The following INTS1 variants were observed in gnomAD, a reference collection of about 807,000 sequenced individuals.
INTS1 encodes the protein integrator complex subunit 1.
INTS1 carries 137 observed loss-of-function variants against 241.6 expected under a neutral mutation model. The observed-to-expected ratio is 0.57, with a 90% CI of 0.49 to 0.65. INTS1 has a LOEUF of 0.65. INTS1 is among the 30% of genes least tolerant of loss of function. INTS1 has a pLI of 0.00. For synonymous variants in INTS1, 1,692 were observed against 1,337.8 expected (o/e 1.26, Z -5.78); for missense variants, 3,073 against 3,032.2 (o/e 1.01, Z -0.32).
At chr7:1,501,428 G>A (rs562550106) in intron 3 of INTS1, 1 of 152,276 alleles carries the variant, frequency 6.6e-6, no homozygotes, top group African/African-American at 2.4e-5. Context: ...ACAAGCTGGG[G>A]GACAAGTGGG....
Position 1,477,577 on chromosome 7 carries a change from C to T in INTS1, c.4911G>A (p.Gln1637=), listed in dbSNP as rs1205264308. The T allele has an allele frequency of 6.5e-7, 1 of 1,547,328 alleles. No individual in the cohort carries two copies. The highest frequency in any genetic ancestry group is 2.0e-5 in the Admixed American group (1 of 49,912). Reference sequence around the variant, plus strand: ...TCCTCCGGGAGAAGAGCAGCCTGAGCTGCAGGTCGGGGCAGCTGCTGACCA... The same window carrying T: ...TCCTCCGGGAGAAGAGCAGCCTGAGTTGCAGGTCGGGGCAGCTGCTGACCA... ...PEVVSSCPDL[Q]LRLLFSRRKG... is the part of the protein sequence containing the mutation. Residue 1637 remains glutamine, a synonymous_variant, in exon 35 of 48, where the codon CAG becomes CAA. Transcript: ENST00000404767.
intron 41 of INTS1, 92 bp downstream of exon 41, chr7:1,474,076 C>A: frequency 7.3e-7 from 1 of 1,368,654 alleles, no homozygotes; most frequent in Non-Finnish European, 9.7e-7. Context: ...CTGCAGAGGT[C>A]CTCCCAGTCC....
At chr7:1,494,022 G>A in intron 14 of INTS1, 111 bp from the exon 15 acceptor site, 1 of 1,314,210 alleles carries the variant, frequency 7.6e-7, no homozygotes, top group South Asian at 1.5e-5. Context: ...GTGGCAGAGG[G>A]CTGCTGCTGC....
rs554787830 is a variant in INTS1 at position 1,481,299 on chromosome 7, G to A, written c.3850+43C>T. On this transcript the variant is annotated intron_variant, in intron 28 of 47. Coordinates refer to ENST00000404767, the MANE Select transcript of INTS1 (RefSeq NM_001080453.3). The surrounding 1 kb of genome is among the most constrained non-coding windows in gnomAD (Gnocchi z 6.8). ...AAAAGCCTGGCCGGGCTGGGGCTCG[G>A]TCAGCGTGTGTGAACCCACTCCGCA... 1 of 1,610,070 alleles carries A rather than the reference G, an allele frequency of 6.2e-7. No homozygotes were observed. Among genetic ancestry groups the A allele is most frequent in the Non-Finnish European group, 8.5e-7 (1 of 1,178,440 alleles).
In INTS1 at chr7:1,493,610, A is replaced by G. The variant is rs1402827485; in HGVS notation, c.2068+144T>C. ...TCCCAACGGCAGATGTGGAGAAGGC[A>G]GGTCCCCGAGCCTCCCGGGGACCCA... is the stretch of plus-strand genomic sequence containing the variant. On this transcript the variant is annotated intron_variant, in intron 15 of 47. Transcript: ENST00000404767. This position sits in a 1 kb window ranked among gnomAD's most constrained non-coding sequence, Gnocchi z 5.3. 2.1e-6 allele frequency: 2 copies of G among 968,620 alleles called. No homozygotes were observed. The highest frequency in any genetic ancestry group is 2.9e-6 in the Non-Finnish European group (2 of 699,968). The allele number at this position is 968,620 out of a possible 1,614,324, so 60.0% of individuals were successfully genotyped here.
rs377527130 is a variant in INTS1, at chr7:1,497,576, G to T, written c.1426-262C>A. ...AGGAGGATTAATTAACGGAAGCTGG[G>T]GGTGCGGGACACCAGGCGGCAAAGC... On this transcript the variant is annotated intron_variant, in intron 10 of 47. Transcript: ENST00000404767. The surrounding 1 kb of genome is among the most constrained non-coding windows in gnomAD (Gnocchi z 5.3). Among the ~76,000 whole-genome samples, 163 of 152,282 alleles carry T rather than the reference G, an allele frequency of 1.1e-3. 3 individuals are homozygous for T. The South Asian group carries it at 0.021, about 20-fold the overall frequency.
intron 43 of INTS1, among the ~76,000 whole-genome samples, chr7:1,472,823 G>C (rs1026682933): frequency 1.3e-5 from 2 of 152,002 alleles, no homozygotes; most frequent in African/African-American, 4.8e-5. Flanking sequence ...CCAGGGACGG[G>C]GGGGTGGGGA....
At chr7:1,496,694 C>CCGT (rs1420228027) in intron 11 of INTS1, among the ~76,000 whole-genome samples, 1 of 152,158 alleles carries the variant, frequency 6.6e-6, no homozygotes, top group Non-Finnish European at 1.5e-5. Context: ...CCACAAAGCC[C>CCGT]CGTCCGCAAA....
chr7:1,499,845 C>A, intron 5 of INTS1, 39 bp downstream of exon 5: 1 of 1,592,964 alleles, frequency 6.3e-7, no homozygotes, highest in South Asian at 1.1e-5. Context: ...CACCCCGTGG[C>A]GCTCTGCCAT....
chr7:1,504,112 G>C, intron 1 of INTS1, 111 bp from the exon 2 acceptor site: 1 of 602,540 alleles, frequency 1.7e-6, no homozygotes, highest in East Asian at 3.4e-5. Context: ...CAGTGGTCCC[G>C]CGCCCGCCCG....
chr7:1,501,755 C>T (rs1210228543), intron 3 of INTS1, among the ~76,000 whole-genome samples: 2 of 152,162 alleles, frequency 1.3e-5, no homozygotes, highest in Non-Finnish European at 2.9e-5. Flanking sequence ...AAGCAGTCCC[C>T]CAGCTGTGCC....
intron 44 of INTS1, 55 bp from the exon 45 acceptor site, chr7:1,471,696 CA>C: frequency 6.4e-7 from 1 of 1,556,356 alleles, no homozygotes; most frequent in Non-Finnish European, 8.8e-7. Flanking sequence ...GACCTCTGCC[CA>C]CCCCACCCCA....
chr7:1,484,666 CG>C (rs540733627), intron 24 of INTS1, among the ~76,000 whole-genome samples: 123 of 152,328 alleles, frequency 8.1e-4, no homozygotes, highest in African/African-American at 2.8e-3. Context: ...ACCCTCCTGG[CG>C]TCGGGGAGAA....
chr7:1,487,183 G>GA, intron 20 of INTS1, 82 bp from the exon 21 acceptor site: 1 of 1,515,478 alleles, frequency 6.6e-7, no homozygotes, highest in Non-Finnish European at 8.9e-7. Flanking sequence ...CGCGGAGCCG[G>GA]AAAGGGCGAC....
At chr7:1,502,719 T>G (rs1407527450) in intron 3 of INTS1, among the ~76,000 whole-genome samples, 182 bp downstream of exon 3, 2 of 152,182 alleles carry the variant, frequency 1.3e-5, no homozygotes, top group Non-Finnish European at 2.9e-5. Flanking sequence ...AGGACGCAGA[T>G]GCACACACGG....
In INTS1 at chr7:1,481,363, C is replaced by T. The variant is rs1343068610; in HGVS notation, c.3829G>A (p.Glu1277Lys). The part of the protein sequence containing the change: ...QAVAHDPQTL[E>K]QNIMDKNYMA... ...TTACTCTTGTCCATGATGTTCTGCT[C>T]CAGAGTCTGGGGGTCGTGGGCCACT... is the stretch of plus-strand genomic sequence containing the variant. Residue 1277 changes from glutamate to lysine, a missense_variant, in exon 28 of 48, where the codon GAG becomes AAG. Glu to Lys is a moderately conservative substitution (Grantham distance 56). Transcript: ENST00000404767. This position sits in a 1 kb window ranked among gnomAD's most constrained non-coding sequence, Gnocchi z 6.8. 1.2e-6 allele frequency: 2 copies of T among 1,612,946 alleles called. No individual in the cohort carries two copies. Among genetic ancestry groups the T allele is most frequent in the East Asian group, 2.2e-5 (1 of 44,878 alleles).
intron 5 of INTS1, 114 bp from the exon 6 acceptor site, chr7:1,499,746 G>T: frequency 6.8e-7 from 1 of 1,468,344 alleles, no homozygotes; most frequent in Non-Finnish European, 9.1e-7. Context: ...CAGCTTCTGG[G>T]TGCAGCAGGG....
Position 1,482,711 on chromosome 7 carries a change from C to T in INTS1, c.3542-4G>A. The T allele has an allele frequency of 6.2e-7, 1 of 1,612,282 alleles. No individual in the cohort carries two copies. The highest frequency in any genetic ancestry group is 1.3e-5 in the African/African-American group (1 of 75,076). On this transcript the variant is annotated splice_region_variant and splice_polypyrimidine_tract_variant and intron_variant, in intron 26 of 47. Transcript: ENST00000404767. The stretch of plus-strand genomic sequence containing the variant: ...GCCTGGAACTCGCTGTCGTCGGCTT[C>T]AGGAAGGACAACGGGTGAGCAGCCT...
chr7:1,472,252 G>GT, intron 44 of INTS1, 21 bp downstream of exon 44: 1 of 1,528,466 alleles, frequency 6.5e-7, no homozygotes, highest in South Asian at 1.2e-5. Flanking sequence ...CCTGGCGTGG[G>GT]TGAAGCAGGG....
Sources: allele counts gnomAD v4.1 joint callset (sites outside exome capture counted in the v4.1 genomes callset), GRCh38; gene constraint gnomAD v4.1.1; non-coding constraint Gnocchi (gnomAD v3.1); transcripts MANE v1.5; gene names NCBI Gene and HGNC (gene_info 2026-07-23, HGNC 2026-07-21).